SGCD: variants seen among roughly 807,000 people sequenced by gnomAD.
SGCD encodes delta-sarcoglycan.
Under a neutral mutation model 36.6 loss-of-function variants are expected in SGCD, and 18 were observed. The ratio of observed to expected loss-of-function variants is 0.49; its 90% CI spans 0.34 to 0.73. SGCD has a LOEUF of 0.73. Among genes scored for constraint, SGCD ranks in the 30% least tolerant of loss-of-function variants. The pLI, the probability that SGCD is intolerant of heterozygous loss-of-function variation, is 0.01. For synonymous variants in SGCD, 133 were observed against 130.6 expected, an observed-to-expected ratio of 1.02 and a Z score of -0.12; for missense variants, 387 against 346.7, an observed-to-expected ratio of 1.12 and a Z score of -0.92.
chr5:156,007,995 TC>T (rs1161108211), intron 1 of SGCD, among the ~76,000 whole-genome samples: 2 of 152,186 alleles, frequency 1.3e-5, no homozygotes, highest in African/African-American at 4.8e-5. Flanking sequence ...GGTTTTTATC[TC>T]CAACGATGTT....
intron 4 of SGCD, among the ~76,000 whole-genome samples, chr5:156,515,953 C>G (rs1283567491): frequency 6.6e-6 from 1 of 152,246 alleles, no homozygotes. Flanking sequence ...TCCCTCCTCA[C>G]CAGGCAGGGC....
intron 1 of SGCD, among the ~76,000 whole-genome samples, chr5:156,077,594 G>C (rs1760821456): frequency 6.6e-6 from 1 of 151,906 alleles, no homozygotes; most frequent in African/African-American, 2.4e-5. Flanking sequence ...TGACTCATGG[G>C]GTATATCATA....
intron 3 of SGCD, among the ~76,000 whole-genome samples, chr5:156,469,715 T>C (rs1754872542): frequency 6.6e-6 from 1 of 152,212 alleles, no homozygotes; most frequent in African/African-American, 2.4e-5. Context: ...CATTGCTAGT[T>C]TCTTACTTGA....
the SGCD span, among the ~76,000 whole-genome samples, chr5:155,807,765 G>A: frequency 6.6e-6 from 1 of 152,172 alleles, no homozygotes; most frequent in Non-Finnish European, 1.5e-5. Flanking sequence ...TTGTTTGTTT[G>A]CTTATAGTGG....
the SGCD span, among the ~76,000 whole-genome samples, chr5:155,857,575 A>G: frequency 6.6e-6 from 1 of 152,202 alleles, no homozygotes; most frequent in Admixed American, 6.5e-5. Flanking sequence ...ATTAAAAAAT[A>G]ATTCTAGAAA....
chr5:156,055,135 C>T (rs983343451), intron 1 of SGCD, among the ~76,000 whole-genome samples: 1 of 136,454 alleles, frequency 7.3e-6, no homozygotes, highest in South Asian at 2.2e-4. Context: ...GCAGTGCCAG[C>T]TTCCAGTTTT....
chr5:155,888,463 A>G (rs1343877187), intron 1 of SGCD, among the ~76,000 whole-genome samples: 4 of 152,216 alleles, frequency 2.6e-5, no homozygotes, highest in African/African-American at 9.6e-5. Context: ...CATTTATCCA[A>G]TATAGATTTG....
At position 156,465,649 on chromosome 5, in the gene SGCD, C is replaced by T. The variant is rs6868071; in HGVS notation, c.193-42952C>T. Among the ~76,000 whole-genome samples the T allele has an allele frequency of 6.6e-3, 1,000 of 152,250 alleles. 14 individuals carry two copies. Among genetic ancestry groups the T allele is most frequent in the African/African-American group, 0.023 (947 of 41,546 alleles). On this transcript the variant is annotated intron_variant, in intron 3 of 8. Coordinates refer to ENST00000337851, the MANE Select transcript of SGCD (RefSeq NM_000337.6). ...GGCTCTGTATCTCCAAGACTGTTGC[C>T]GCTCTTGTCTCTTTCTGACCCACAT...
intron 4 of SGCD, among the ~76,000 whole-genome samples, chr5:156,568,527 T>A (rs1759589121): frequency 6.6e-6 from 1 of 152,196 alleles, no homozygotes; most frequent in Non-Finnish European, 1.5e-5. Flanking sequence ...ACTTATTGGA[T>A]CATATTAGGT....
At chr5:155,975,287 C>A (rs1206027892) in intron 1 of SGCD, among the ~76,000 whole-genome samples, 3 of 152,138 alleles carry the variant, frequency 2.0e-5, no homozygotes, top group Admixed American at 2.0e-4. Flanking sequence ...GATTAAATAA[C>A]TTGCCTAACA....
intron 1 of SGCD, among the ~76,000 whole-genome samples, chr5:155,961,700 T>C (rs540117935): frequency 1.3e-5 from 2 of 152,236 alleles, no homozygotes; most frequent in Non-Finnish European, 2.9e-5. Context: ...AAGGTATTTA[T>C]GAAACCAAAT....
intron 7 of SGCD, among the ~76,000 whole-genome samples, chr5:156,650,384 G>T (rs913230589): frequency 6.6e-6 from 1 of 152,178 alleles, no homozygotes; most frequent in African/African-American, 2.4e-5. Flanking sequence ...ACGCAGGTTT[G>T]TTACATGAGT....
intron 5 of SGCD, 112 bp downstream of exon 5, chr5:156,589,430 T>G (rs1357528018): frequency 1.6e-6 from 1 of 636,204 alleles, no homozygotes; most frequent in African/African-American, 1.8e-5. Flanking sequence ...TGCTAACACA[T>G]TGTTGAGAAA....
At chr5:156,251,522 C>CTT (rs34601103) in intron 3 of SGCD, among the ~76,000 whole-genome samples, 45 of 148,436 alleles carry the variant, frequency 3.0e-4, no homozygotes, top group South Asian at 8.5e-4. Context: ...ATTTATACTA[C>CTT]TTTTTTTTTT....
At chr5:156,257,145 C>T (rs559830249) in intron 3 of SGCD, among the ~76,000 whole-genome samples, 114 of 148,452 alleles carry the variant, frequency 7.7e-4, no homozygotes, top group South Asian at 1.3e-3. Context: ...CACTGTACTC[C>T]AGCCTGGACC....
At chr5:156,484,550 T>C (rs1199868397) in intron 3 of SGCD, among the ~76,000 whole-genome samples, 1 of 152,244 alleles carries the variant, frequency 6.6e-6, no homozygotes, top group Admixed American at 6.5e-5. Context: ...CCTAAGCTAG[T>C]ATCTTAATTA....
intron 8 of SGCD, among the ~76,000 whole-genome samples, chr5:156,758,850 CTTCTT>C (rs1260959839): frequency 2.6e-5 from 4 of 151,836 alleles, no homozygotes; most frequent in African/African-American, 7.3e-5. Context: ...ACTCTATTCT[CTTCTT>C]GAACACTCAC....
the SGCD span, among the ~76,000 whole-genome samples, chr5:155,805,464 C>A: frequency 1.3e-5 from 2 of 152,156 alleles, no homozygotes; most frequent in African/African-American, 2.4e-5. Context: ...CTATTTCAGG[C>A]TAGATAATAT....
At chr5:156,697,385 A>G (rs1754361464) in intron 7 of SGCD, among the ~76,000 whole-genome samples, 1 of 152,114 alleles carries the variant, frequency 6.6e-6, no homozygotes, top group African/African-American at 2.4e-5. Context: ...TCTGCTCCCC[A>G]CATGTGTACT....
Sources: allele counts gnomAD v4.1 joint callset (sites outside exome capture counted in the v4.1 genomes callset), GRCh38; gene constraint gnomAD v4.1.1; transcripts MANE v1.5; gene names NCBI Gene and HGNC (gene_info 2026-07-23, HGNC 2026-07-21).